Variants in RSPH1 observed in about 807,000 individuals in gnomAD.
RSPH1 encodes radial spoke head 1 homolog.
In RSPH1, 32 loss-of-function variants were observed where a neutral mutation model predicts 44.2. The observed-to-expected ratio is 0.72, with a 90% confidence interval of 0.55 to 0.97. The LOEUF (loss-of-function observed/expected upper bound fraction) is 0.97. Ranked by LOEUF, RSPH1 falls within the 50% of genes least tolerant of loss-of-function variation. The pLI, the probability that RSPH1 is intolerant of heterozygous loss-of-function variation, is 0.00. For missense variants in RSPH1, 391 were observed against 398.7 expected (o/e 0.98, Z 0.16); for synonymous variants, 134 against 147.3 (o/e 0.91, Z 0.65).
chr21:42,480,654 A>C (rs896259086), intron 6 of RSPH1, among the ~76,000 whole-genome samples: 43 of 151,494 alleles, frequency 2.8e-4, no homozygotes, highest in African/African-American at 9.7e-4. Context: ...AAAAAAAAAA[A>C]AAAAAAAAAA....
At chr21:42,492,452 C>T (rs769738146) in intron 3 of RSPH1, among the ~76,000 whole-genome samples, 2 of 152,220 alleles carry the variant, frequency 1.3e-5, no homozygotes, top group Non-Finnish European at 2.9e-5. Context: ...CAGCTGAAGC[C>T]GTGGGTCCAC....
At chr21:42,490,130 T>C (rs114593736) in intron 3 of RSPH1, among the ~76,000 whole-genome samples, 6,507 of 128,886 alleles carry the variant, frequency 0.05, 463 homozygotes, top group African/African-American at 0.17. Flanking sequence ...CCCCTCCATC[T>C]CATCCCCCAC....
intron 7 of RSPH1, among the ~76,000 whole-genome samples, chr21:42,476,842 C>G (rs1387155795): frequency 6.6e-6 from 1 of 152,172 alleles, no homozygotes; most frequent in Admixed American, 6.5e-5. Context: ...CAAAGGCTCT[C>G]CCTAATAACA....
intron 7 of RSPH1, among the ~76,000 whole-genome samples, chr21:42,476,909 C>A (rs1325418298): frequency 2.0e-5 from 3 of 152,176 alleles, no homozygotes; most frequent in Non-Finnish European, 4.4e-5. Flanking sequence ...CCACACCTGG[C>A]CTGAAAACAG....
rs560706505 is a variant in RSPH1 at position 42,474,951 on chromosome 21, G to T, written c.877+947C>A. 4.6e-5 allele frequency among the ~76,000 whole-genome samples: 7 copies of T among 152,346 alleles called. 1 individual carries two copies. The highest frequency in any genetic ancestry group is 1.7e-4 in the African/African-American group (7 of 41,584). On this transcript the variant is annotated intron_variant, in intron 8 of 8. Coordinates refer to ENST00000291536, the MANE Select transcript of RSPH1 (RefSeq NM_080860.4). The surrounding 1 kb of genome is among the most constrained non-coding windows in gnomAD (Gnocchi z 5.2). ...ATTTACAACAGAGACAAACTAAGTG[G>T]AATGGGACTGCAGACCCCGTGCCTG...
rs141751119 is a variant in RSPH1 at position 42,479,726 on chromosome 21, T to TACACACAC, written c.574-2290_574-2283dup. On this transcript the variant is annotated intron_variant, in intron 6 of 8. Transcript: ENST00000291536. ...GCTTCTGACTATGTGTGTAGGAGGT[T>TACACACAC]ACACACACACACACACACACACACA... 4.4e-3 allele frequency among the ~76,000 whole-genome samples: 642 copies of TACACACAC among 145,232 alleles called. 4 individuals carry two copies. Among genetic ancestry groups the TACACACAC allele is most frequent in the African/African-American group, 0.011 (439 of 39,010 alleles).
At chr21:42,493,607 G>C (rs370195527) in intron 1 of RSPH1, among the ~76,000 whole-genome samples, 46 of 152,314 alleles carry the variant, frequency 3.0e-4, no homozygotes, top group African/African-American at 1.0e-3. Context: ...AGGAATTTCC[G>C]ATGGAAGGGA....
intron 7 of RSPH1, among the ~76,000 whole-genome samples, chr21:42,477,047 C>T (rs952490128): frequency 6.9e-6 from 1 of 144,532 alleles, no homozygotes; most frequent in African/African-American, 2.6e-5. Flanking sequence ...CCGGGGGTGC[C>T]CCACACCCTC....
chr21:42,476,006 C>A lies in RSPH1; in HGVS notation c.769G>T (p.Gly257Cys). 6 of 1,613,512 alleles carry A rather than the reference C, an allele frequency of 3.7e-6. No individual in the cohort carries two copies. The highest frequency in any genetic ancestry group is 4.2e-6 in the Non-Finnish European group (5 of 1,179,878). The change falls in exon 8 of 9, where the codon GGC becomes TGC. Residue 257 changes from glycine to cysteine, a missense_variant. Physicochemically the swap from Gly to Cys is radical, Grantham distance 159 (BLOSUM62 -3). Coordinates refer to ENST00000291536, the MANE Select transcript of RSPH1 (RefSeq NM_080860.4). ...PGEEAQALLE[G>C]FEGEMDMRPG... is the part of the protein sequence containing the mutation. ...CTCATGTCCATCTCACCCTCGAAGCCCTCCAGCAGAGCCTGGGCCTCCTCC... is the reference window on the plus strand; with the variant it reads ...CTCATGTCCATCTCACCCTCGAAGCACTCCAGCAGAGCCTGGGCCTCCTCC...
intron 8 of RSPH1, among the ~76,000 whole-genome samples, chr21:42,473,978 CCCGCT>C (rs1273457931): frequency 6.6e-6 from 1 of 152,200 alleles, no homozygotes; most frequent in East Asian, 1.9e-4. Flanking sequence ...GTCTCAGACG[CCCGCT>C]GGTACTGGGC....
intron 3 of RSPH1, among the ~76,000 whole-genome samples, chr21:42,491,206 G>A (rs564030772): frequency 3.3e-5 from 5 of 152,240 alleles, no homozygotes; most frequent in East Asian, 3.9e-4. Context: ...GGTACCCTCC[G>A]GATCCACAAC....
At chr21:42,481,100 T>TCCCTCCAC (rs2054123592) in intron 6 of RSPH1, among the ~76,000 whole-genome samples, 1 of 151,406 alleles carries the variant, frequency 6.6e-6, no homozygotes, top group Admixed American at 6.6e-5. Context: ...TGGTGGGAGG[T>TCCCTCCAC]GTTTGGGTCA....
Position 42,475,964 on chromosome 21 carries a change from C to T in RSPH1, c.811G>A (p.Ala271Thr). ...EMDMRPGDED[A>T]DVLREESREY... Reference sequence around the variant, plus strand: ...CGGCTCTCTTCCCGGAGGACGTCTGCATCTTCATCTCCAGGCCTCATGTCC... The same window carrying T: ...CGGCTCTCTTCCCGGAGGACGTCTGTATCTTCATCTCCAGGCCTCATGTCC... Residue 271 changes from alanine to threonine, a missense_variant, in exon 8 of 9, where the codon GCA becomes ACA. Coordinates refer to ENST00000291536, the MANE Select transcript of RSPH1 (RefSeq NM_080860.4). 1.2e-6 allele frequency: 2 copies of T among 1,613,102 alleles called. No homozygotes were observed. Among genetic ancestry groups the T allele is most frequent in the East Asian group, 2.2e-5 (1 of 44,732 alleles).
At chr21:42,477,032 ACAGCCCGGGGGTGCCCCACACCCTCTGC>A (rs2054063870) in intron 7 of RSPH1, among the ~76,000 whole-genome samples, 8 of 18,436 alleles carry the variant, frequency 4.3e-4, no homozygotes, top group South Asian at 2.0e-3. Context: ...CCTCTGTCCC[ACAGCCCGGGGGTGCCCCACACCCTCTGC>A]CCCCTCCACC....
Position 42,472,634 on chromosome 21 carries a change from C to T in RSPH1, c.*184G>A, listed in dbSNP as rs770865431. On this transcript the variant is annotated 3_prime_UTR_variant, in exon 9 of 9. Transcript: ENST00000291536. ...TTGTTTATTTTTTGAGACAGGGTCT[C>T]GCTCTGCCACCCAGGCTGGAGAGCA... 1.3e-4 allele frequency: 60 copies of T among 473,098 alleles called. No individual in the cohort carries two copies. The highest frequency in any genetic ancestry group is 7.8e-4 in the African/African-American group (39 of 49,896). The allele number at this position is 473,098 out of a possible 1,614,324, so 29.3% of individuals were successfully genotyped here. A position where few individuals can be genotyped will look rare whatever the true frequency, so the allele number is the denominator to read the frequency against.
At position 42,475,919 on chromosome 21, in the gene RSPH1, A is replaced by T; in HGVS notation, c.856T>A (p.Phe286Ile). ...TCACCCTCATCCATGTCATAGCGGA[A>T]CTCCTCCTGGTCATACTCCCGGCTC... ...EESREYDQEE[F>I]RYDMDEGNIN... Residue 286 changes from phenylalanine to isoleucine, a missense_variant, in exon 8 of 9, where the codon TTC (phenylalanine) becomes ATC (isoleucine). By Grantham distance (21) the Phe-to-Ile change is conservative. Coordinates refer to ENST00000291536, the MANE Select transcript of RSPH1 (RefSeq NM_080860.4). 1.2e-6 allele frequency: 2 copies of T among 1,607,900 alleles called. No homozygotes were observed. Among genetic ancestry groups the T allele is most frequent in the Middle Eastern group, 3.3e-4 (2 of 6,052 alleles).
intron 4 of RSPH1, chr21:42,486,114 CCTCCA>C: frequency 3.5e-6 from 2 of 572,044 alleles, no homozygotes; most frequent in Admixed American, 6.1e-5. Flanking sequence ...TCTTCTGTGC[CCTCCA>C]CTCCCTGGGA....
At chr21:42,472,968 T>C in intron 8 of RSPH1, 98 bp from the exon 9 acceptor site, 1 of 812,254 alleles carries the variant, frequency 1.2e-6, no homozygotes, top group Non-Finnish European at 2.0e-6. Flanking sequence ...AAAAAATTAT[T>C]GTAACTATTA....
chr21:42,488,661 G>A (rs2054204024), intron 3 of RSPH1, among the ~76,000 whole-genome samples: 1 of 152,162 alleles, frequency 6.6e-6, no homozygotes, highest in South Asian at 2.1e-4. Context: ...AGAGGACGGT[G>A]AGCAAAATTT....
Sources: allele counts gnomAD v4.1 joint callset (sites outside exome capture counted in the v4.1 genomes callset), GRCh38; gene constraint gnomAD v4.1.1; non-coding constraint Gnocchi (gnomAD v3.1); transcripts MANE v1.5; gene names NCBI Gene and HGNC (gene_info 2026-07-23, HGNC 2026-07-21).